Variants in GSTM5 observed in about 807,000 individuals in gnomAD.
GSTM5 encodes the protein glutathione S-transferase mu 5.
A neutral mutation model predicts 29.0 loss-of-function variants in GSTM5; 24 were observed. The observed-to-expected ratio is 0.83, with a 90% confidence interval of 0.60 to 1.16. The LOEUF is 1.16. Ranked by LOEUF, GSTM5 falls within the 50% of genes most tolerant of loss-of-function variation. GSTM5 has a pLI of 0.00. For missense variants in GSTM5, 290 were observed against 263.0 expected, an observed-to-expected ratio of 1.10 and a Z score of -0.71; for synonymous variants, 91 against 93.6, an observed-to-expected ratio of 0.97 and a Z score of 0.16.
intron 3 of GSTM5, 142 bp from the exon 4 acceptor site, chr1:109,713,342 G>T: frequency 1.4e-6 from 2 of 1,390,146 alleles, no homozygotes; most frequent in Non-Finnish European, 1.0e-6. Context: ...CTGTGTCCCA[G>T]CTCATTTATT....
chr1:109,717,274 G>A (rs1648780275), intron 7 of GSTM5, 63 bp from the exon 8 acceptor site: 3 of 1,287,546 alleles, frequency 2.3e-6, no homozygotes, highest in Non-Finnish European at 3.4e-6. Flanking sequence ...TGTGCCTGCA[G>A]CAAAGCTACT....
At chr1:109,714,156 A>G (rs1808183) in intron 5 of GSTM5, 26,426 of 164,708 alleles carry the variant, frequency 0.16, 3,752 homozygotes, top group African/African-American at 0.4. Context: ...CACGACTCCA[A>G]TGTCATGTCA....
At position 109,713,748 on chromosome 1, in the gene GSTM5, A is replaced by G. The variant is rs1311878700; in HGVS notation, c.347A>G (p.Tyr116Cys). ...CACATGGAGCTGGTCAGACTGTGCT[A>G]TGACCCAGATTTTGTGAGTCCCACA... Reference protein sequence around the residue: ...DNHMELVRLCYDPDFEKLKPK... With the variant: ...DNHMELVRLCCDPDFEKLKPK... The change falls in exon 5 of 8, where the codon TAT becomes TGT. Residue 116 changes from tyrosine to cysteine, a missense_variant. By Grantham distance (194) the Tyr-to-Cys change is radical (BLOSUM62 -2). Transcript: ENST00000256593. 1.2e-6 allele frequency: 2 copies of G among 1,612,384 alleles called. No individual in the cohort carries two copies. The highest frequency in any genetic ancestry group is 1.6e-4 in the Middle Eastern group (1 of 6,062).
chr1:109,717,543 T>C lies in GSTM5; in HGVS notation c.*117T>C. 1 of 734,074 alleles carries C rather than the reference T, an allele frequency of 1.4e-6. No homozygotes were observed. The highest frequency in any genetic ancestry group is 2.4e-6 in the Non-Finnish European group (1 of 410,178). The allele number at this position is 734,074 out of a possible 1,614,324, so 45.5% of individuals were successfully genotyped here. On this transcript the variant is annotated 3_prime_UTR_variant, in exon 8 of 8. Coordinates refer to ENST00000256593, the MANE Select transcript of GSTM5 (RefSeq NM_000851.4). The stretch of plus-strand genomic sequence containing the variant: ...CTTTTTCCTTCTTTCTACTCTCTTC[T>C]CTTCCCCAAGGCCTCATTGGCTTCC...
intron 5 of GSTM5, 62 bp from the exon 6 acceptor site, chr1:109,714,885 G>T: frequency 6.5e-7 from 1 of 1,540,526 alleles, no homozygotes; most frequent in Non-Finnish European, 9.0e-7. Context: ...ACAGCCCTGG[G>T]GAGGCCACGT....
intron 5 of GSTM5, 142 bp downstream of exon 5, chr1:109,713,903 A>G (rs1648656468): frequency 4.6e-6 from 2 of 438,032 alleles, no homozygotes; most frequent in Admixed American, 5.8e-5. Context: ...AAATGTCCAC[A>G]CGAATCTTCT....
At chr1:109,713,857 C>T (rs1648654914) in intron 5 of GSTM5, 96 bp downstream of exon 5, 4 of 905,042 alleles carry the variant, frequency 4.4e-6, no homozygotes, top group African/African-American at 3.3e-5. Flanking sequence ...CAGACTCCGG[C>T]CAGCTGACTG....
At position 109,713,192 on chromosome 1, in the gene GSTM5, A is replaced by C. The variant is rs568790780; in HGVS notation, c.177+9A>C. The C allele has an allele frequency of 1.4e-5, 22 of 1,612,298 alleles. No individual in the cohort carries two copies. In the East Asian group the frequency reaches 4.7e-4, roughly 34 times the overall value. On this transcript the variant is annotated intron_variant, in intron 3 of 7. Transcript: ENST00000256593. ...GCCTGGACTTTCCCAATGTAGGTGC[A>C]GGGGAAGGGGCGGTTTTGGGGGAAA... is the stretch of plus-strand genomic sequence containing the variant.
chr1:109,712,447 G>A (rs879053647), intron 1 of GSTM5, 99 bp downstream of exon 1: 2 of 1,435,660 alleles, frequency 1.4e-6, no homozygotes, highest in South Asian at 2.3e-5. Context: ...CTTCAGGGCT[G>A]CCCGCCTCAG....
In GSTM5 at chr1:109,713,753, C is replaced by G; in HGVS notation, c.352C>G (p.Pro118Ala). The stretch of plus-strand genomic sequence containing the variant: ...GGAGCTGGTCAGACTGTGCTATGAC[C>G]CAGATTTTGTGAGTCCCACACCCCA... Reference protein sequence around the residue: ...HMELVRLCYDPDFEKLKPKYL... With the variant: ...HMELVRLCYDADFEKLKPKYL... The change falls in exon 5 of 8, where the codon CCA becomes GCA. Residue 118 changes from proline (P) to alanine (A), a missense_variant. Physicochemically the swap from Pro to Ala is conservative, Grantham distance 27. Transcript: ENST00000256593. 1 of 1,612,354 alleles carries G rather than the reference C, an allele frequency of 6.2e-7. No individual in the cohort carries two copies. Among genetic ancestry groups the G allele is most frequent in the Non-Finnish European group, 8.5e-7 (1 of 1,179,342 alleles).
intron 4 of GSTM5, 42 bp downstream of exon 4, chr1:109,713,607 C>T: frequency 6.2e-7 from 1 of 1,614,190 alleles, no homozygotes; most frequent in Non-Finnish European, 8.5e-7. Context: ...AAGGTGACCT[C>T]CTCCTTGGCT....
intron 7 of GSTM5, 65 bp from the exon 8 acceptor site, chr1:109,717,272 C>A: frequency 8.1e-7 from 1 of 1,241,022 alleles, no homozygotes; most frequent in Non-Finnish European, 1.2e-6. Context: ...GCTGTGCCTG[C>A]AGCAAAGCTA....
Position 109,712,942 on chromosome 1 carries a change from T to C in GSTM5, c.113-177T>C, listed in dbSNP as rs1570649371. On this transcript the variant is annotated intron_variant, in intron 2 of 7. Transcript: ENST00000256593. ...CCTAAACCCTGGAAGCCTTAGCCGT[T>C]GTGGGGTCCAGAGCCCTCAGTGGGA... 10 of 901,702 alleles carry C rather than the reference T, an allele frequency of 1.1e-5. No individual in the cohort carries two copies. In the South Asian group the frequency reaches 1.2e-4, roughly 11 times the overall value. 55.9% of individuals were successfully genotyped at this position (901,702 alleles called of 1,614,324 possible).
At position 109,712,320 on chromosome 1, in the gene GSTM5, T is replaced by A. The variant is rs2101310041; in HGVS notation, c.8T>A (p.Met3Lys). ...TCCGCACCAACCAGCACCATGCCCA[T>A]GACTCTGGGGTACTGGGACATCCGT... Reference protein sequence around the residue: MPMTLGYWDIRGL... With the variant: MPKTLGYWDIRGL... Residue 3 changes from methionine to lysine, a missense_variant, in exon 1 of 8, where the codon ATG becomes AAG. Physicochemically the swap from Met to Lys is moderately conservative, Grantham distance 95 (BLOSUM62 -1). Coordinates refer to ENST00000256593, the MANE Select transcript of GSTM5 (RefSeq NM_000851.4). The A allele has an allele frequency of 6.2e-7, 1 of 1,613,922 alleles. No individual in the cohort carries two copies. The highest frequency in any genetic ancestry group is 2.2e-5 in the East Asian group (1 of 44,866).
Position 109,715,025 on chromosome 1 carries a change from T to C in GSTM5, c.439T>C (p.Trp147Arg), listed in dbSNP as rs150881777. Residue 147 changes from tryptophan (W) to arginine (R), a missense_variant, in exon 6 of 8, where the codon TGG becomes CGG. Coordinates refer to ENST00000256593, the MANE Select transcript of GSTM5 (RefSeq NM_000851.4). ...LYSEFLGKRPWFAGDKITFVD... is the reference protein window; with the variant it reads ...LYSEFLGKRPRFAGDKITFVD... ...CTCAGAGTTTCTGGGGAAGCGGCCA[T>C]GGTTTGCAGGAGACAAGGTAAAGGA... 2.1e-4 allele frequency: 344 copies of C among 1,614,238 alleles called. 2 individuals carry two copies. In the African/African-American group the frequency reaches 4.1e-3, roughly 19 times the overall value.
intron 1 of GSTM5, 129 bp downstream of exon 1, chr1:109,712,477 T>A (rs1648585172): frequency 8.8e-7 from 1 of 1,136,052 alleles, no homozygotes. Context: ...TGCATGACGC[T>A]GTGTGTGTGT....
chr1:109,712,325 CTG>C lies in GSTM5; in HGVS notation c.14_15del (p.Leu5ArgfsTer35). On this transcript the variant is annotated frameshift_variant, in exon 1 of 8. Transcript: ENST00000256593. LOFTEE classifies it high-confidence loss of function. The part of the protein sequence containing the change: MPMT[L>X]GYWDIRGLAH... ...ACCAACCAGCACCATGCCCATGACT[CTG>C]GGGTACTGGGACATCCGTGGGGTAA... The C allele has an allele frequency of 6.2e-7, 1 of 1,614,076 alleles. No homozygotes were observed. Among genetic ancestry groups the C allele is most frequent in the Non-Finnish European group, 8.5e-7 (1 of 1,179,984 alleles).
At chr1:109,713,599 G>A (rs376085310) in intron 4 of GSTM5, 34 bp downstream of exon 4, 18 of 1,614,206 alleles carry the variant, frequency 1.1e-5, no homozygotes, top group Non-Finnish European at 1.4e-5. Context: ...GCGGGGGGAA[G>A]GTGACCTCCT....
chr1:109,717,630 C>T lies in GSTM5; in HGVS notation c.*204C>T, dbSNP rs1648797534. On this transcript the variant is annotated 3_prime_UTR_variant, in exon 8 of 8. Transcript: ENST00000256593. ...TTTAAAGCTTCAGCTCCCCACTGTC[C>T]TCCATCAAAGTCCCCCTCCTAACGT... The T allele has an allele frequency of 5.7e-6, 3 of 528,372 alleles. No homozygotes were observed. In the East Asian group the frequency reaches 9.9e-5, roughly 17 times the overall value. The allele number at this position is 528,372 out of a possible 1,614,324, so 32.7% of individuals were successfully genotyped here.
Sources: gnomAD v4.1 joint callset for allele counts on GRCh38, gnomAD v4.1.1 for gene constraint, MANE v1.5 for transcripts, NCBI Gene and HGNC (gene_info 2026-07-23, HGNC 2026-07-21) for gene names.